Variants in SHANK2 observed in about 807,000 individuals in gnomAD.
SHANK2 encodes SH3 and multiple ankyrin repeat domains protein 2.
Under a neutral mutation model 133.7 loss-of-function variants are expected in SHANK2, and 43 were observed. That is an observed-to-expected ratio of 0.32 (90% CI 0.25 to 0.41). The LOEUF is 0.41. SHANK2 is among the 10% of genes least tolerant of loss of function. The probability of loss-of-function intolerance (pLI) is 1.00; values close to 1 mark genes in which losing one functional copy is unlikely to be tolerated. For missense variants in SHANK2, 1,994 were observed against 2,235.8 expected, an observed-to-expected ratio of 0.89 and a Z score of 2.18; for synonymous variants, 1,017 against 952.8, an observed-to-expected ratio of 1.07 and a Z score of -1.24.
chr11:71,082,627 C>A (rs1240331959), intron 8 of SHANK2, among the ~76,000 whole-genome samples: 2 of 152,156 alleles, frequency 1.3e-5, no homozygotes, highest in Non-Finnish European at 2.9e-5. Flanking sequence ...CAGCAAAGAA[C>A]CTCCCACAGG....
At chr11:70,713,343 T>C (rs1945835768) in intron 14 of SHANK2, among the ~76,000 whole-genome samples, 2 of 152,262 alleles carry the variant, frequency 1.3e-5, no homozygotes, top group South Asian at 2.1e-4. Flanking sequence ...TACTGCAAGA[T>C]GAGTGAAGCA....
intron 11 of SHANK2, among the ~76,000 whole-genome samples, chr11:70,840,737 G>A (rs570237216): frequency 2.6e-5 from 4 of 152,282 alleles, no homozygotes; most frequent in South Asian, 2.1e-4. Flanking sequence ...GGGCCATATC[G>A]GGAGGCTGGA....
chr11:70,509,980 C>G (rs1002776617), intron 17 of SHANK2, among the ~76,000 whole-genome samples: 5 of 152,200 alleles, frequency 3.3e-5, no homozygotes, highest in Non-Finnish European at 7.3e-5. Flanking sequence ...CAAACCATAG[C>G]TGTGCTTACT....
intron 4 of SHANK2, among the ~76,000 whole-genome samples, chr11:71,118,576 C>A (rs1207796370): frequency 2.7e-5 from 4 of 147,538 alleles, no homozygotes; most frequent in Admixed American, 2.6e-4. Context: ...GATCCAATCA[C>A]CTCCTCCCTC....
At position 70,536,991 on chromosome 11, in the gene SHANK2, G is replaced by A. The variant is rs113354975; in HGVS notation, c.2062-34060C>T. 4.2e-3 allele frequency among the ~76,000 whole-genome samples: 643 copies of A among 152,286 alleles called. 4 individuals are homozygous for A. Among genetic ancestry groups the A allele is most frequent in the Non-Finnish European group, 7.5e-3 (511 of 68,036 alleles). On this transcript the variant is annotated intron_variant, in intron 17 of 25. Coordinates refer to ENST00000601538, the MANE Select transcript of SHANK2 (RefSeq NM_012309.5). ...AACAGCATTTTCTGAGCCGTGTTGA[G>A]TGTTGGGCTTTGTGTCGTACGTCAG...
At chr11:70,502,107 C>T (rs1555158741) in intron 19 of SHANK2, 99 bp downstream of exon 19, 6 of 1,386,868 alleles carry the variant, frequency 4.3e-6, no homozygotes, top group South Asian at 2.5e-5. Context: ...AGGGGGGTAG[C>T]GAGCAAGCGT....
chr11:70,935,448 G>A (rs893486723), intron 10 of SHANK2, among the ~76,000 whole-genome samples: 3 of 152,156 alleles, frequency 2.0e-5, no homozygotes, highest in African/African-American at 7.2e-5. Context: ...TTAGCCAGGA[G>A]TGAAAGGGAG....
intron 2 of SHANK2, among the ~76,000 whole-genome samples, chr11:71,185,821 GGAA>G (rs1555114395): frequency 1.3e-5 from 2 of 151,864 alleles, no homozygotes; most frequent in Admixed American, 1.3e-4. Flanking sequence ...GGACAATCAA[GGAA>G]GAAGGTGAAG....
chr11:70,811,208 G>C (rs1948270755), intron 12 of SHANK2, among the ~76,000 whole-genome samples: 1 of 152,144 alleles, frequency 6.6e-6, no homozygotes, highest in African/African-American at 2.4e-5. Flanking sequence ...ACAGTAGCTG[G>C]GGCAGGGCAG....
intron 17 of SHANK2, among the ~76,000 whole-genome samples, chr11:70,585,830 C>T (rs201566902): frequency 1.3e-5 from 1 of 77,568 alleles, no homozygotes; most frequent in Non-Finnish European, 2.7e-5. Flanking sequence ...ATTTGCTCAC[C>T]CACCCACCCA....
intron 2 of SHANK2, among the ~76,000 whole-genome samples, chr11:71,147,704 C>T (rs782410858): frequency 2.6e-5 from 4 of 152,216 alleles, no homozygotes; most frequent in Non-Finnish European, 4.4e-5. Flanking sequence ...GCTGTCTGAG[C>T]TACCCAAGGT....
chr11:70,662,236 C>T (rs1483150538), intron 15 of SHANK2: 1 of 200,960 alleles, frequency 5.0e-6, no homozygotes, highest in Non-Finnish European at 1.0e-5. Context: ...CACGAGCCGG[C>T]AGCAGGCACC....
rs1461188082 is a variant in SHANK2, at chr11:70,830,251, C to T, written c.1175-9569G>A. Among the ~76,000 whole-genome samples the T allele has an allele frequency of 1.3e-5, 2 of 152,212 alleles. No homozygotes were observed. The highest frequency in any genetic ancestry group is 2.4e-5 in the African/African-American group (1 of 41,444). On this transcript the variant is annotated intron_variant, in intron 11 of 25. Coordinates refer to ENST00000601538, the MANE Select transcript of SHANK2 (RefSeq NM_012309.5). The surrounding 1 kb of genome is among the most constrained non-coding windows in gnomAD (Gnocchi z 4.4). ...CATGGGAACATCAGCATTCCTCCTG[C>T]CCCTCGTTTTATGAGCATGTCCGTG... is the stretch of plus-strand genomic sequence containing the variant.
At chr11:71,193,107 G>A (rs1370640710) in intron 2 of SHANK2, among the ~76,000 whole-genome samples, 1 of 152,094 alleles carries the variant, frequency 6.6e-6, no homozygotes, top group African/African-American at 2.4e-5. Context: ...GAGACAAATG[G>A]CCTCCAGGCA....
intron 3 of SHANK2, among the ~76,000 whole-genome samples, chr11:71,135,097 G>C (rs1952411702): frequency 6.6e-6 from 1 of 152,044 alleles, no homozygotes; most frequent in Admixed American, 6.6e-5. Flanking sequence ...CCAAGTTTGT[G>C]CATACCTCAG....
At chr11:70,795,380 CTTTTCTT>C in intron 14 of SHANK2, among the ~76,000 whole-genome samples, 1 of 148,866 alleles carries the variant, frequency 6.7e-6, no homozygotes, top group South Asian at 2.2e-4. Flanking sequence ...GGGTTCTTTT[CTTTTCTT>C]TTTTCTTTTC....
At chr11:70,658,282 GACACAC>G (rs138823201) in intron 17 of SHANK2, among the ~76,000 whole-genome samples, 88 of 111,614 alleles carry the variant, frequency 7.9e-4, no homozygotes, top group African/African-American at 3.4e-3. Context: ...CACACACACA[GACACAC>G]ACACACACAC....
At chr11:70,735,383 C>T (rs555082280) in intron 14 of SHANK2, among the ~76,000 whole-genome samples, 84 of 152,218 alleles carry the variant, frequency 5.5e-4, no homozygotes, top group African/African-American at 1.8e-3. Context: ...CCTGGGGTCC[C>T]GCAAGCCAGC....
intron 14 of SHANK2, among the ~76,000 whole-genome samples, chr11:70,767,204 C>G (rs1224369043): frequency 1.3e-5 from 2 of 152,208 alleles, no homozygotes; most frequent in East Asian, 3.9e-4. Context: ...GCCCAGGGTC[C>G]TGCCCAGCCC....
Sources: gnomAD v4.1 joint callset for allele counts (sites outside exome capture counted in the v4.1 genomes callset) on GRCh38, gnomAD v4.1.1 for gene constraint, Gnocchi (gnomAD v3.1) non-coding constraint, MANE v1.5 for transcripts, NCBI Gene and HGNC (gene_info 2026-07-23, HGNC 2026-07-21) for gene names.